The following ITGAV variants were observed in gnomAD, a reference collection of about 807,000 sequenced individuals.
ITGAV encodes integrin subunit alpha V.
Under a neutral mutation model 143.8 loss-of-function variants are expected in ITGAV, and 76 were observed. That is an observed-to-expected ratio of 0.53 (90% CI 0.44 to 0.64). ITGAV has a LOEUF of 0.64. Ranked by LOEUF, ITGAV falls within the 30% of genes least tolerant of loss-of-function variation. The pLI is 0.00. For missense variants in ITGAV, 1,193 were observed against 1,274.7 expected, an observed-to-expected ratio of 0.94 and a Z score of 0.98; for synonymous variants, 453 against 446.7, an observed-to-expected ratio of 1.01 and a Z score of -0.18.
At chr2:186,601,923 A>G (rs1686918395) in intron 1 of ITGAV, 98 bp from the exon 2 acceptor site, 6 of 1,242,330 alleles carry the variant, frequency 4.8e-6, no homozygotes, top group Admixed American at 2.5e-5. Flanking sequence ...AAAAATATTT[A>G]TAGATAATAT....
At chr2:186,591,129 A>G (rs1392515678) in intron 1 of ITGAV, among the ~76,000 whole-genome samples, 1 of 152,242 alleles carries the variant, frequency 6.6e-6, no homozygotes, top group Non-Finnish European at 1.5e-5. Flanking sequence ...GAGGTTGAAC[A>G]GATGAATTGA....
At position 186,641,416 on chromosome 2, in the gene ITGAV, C is replaced by T; in HGVS notation, c.987C>T (p.Leu329=). ...CAGATGTGTTTATTGGAGCACCTCT[C>T]TTCATGGATCGTGGCTCTGATGGCA... ...DYADVFIGAP[L]FMDRGSDGKL... is the part of the protein sequence containing the mutation. The change falls in exon 12 of 30, where the codon CTC becomes CTT. Residue 329 remains leucine (L), a synonymous_variant. Coordinates refer to ENST00000261023, the MANE Select transcript of ITGAV (RefSeq NM_002210.5). The T allele has an allele frequency of 6.2e-7, 1 of 1,614,172 alleles. No homozygotes were observed. The highest frequency in any genetic ancestry group is 2.2e-5 in the East Asian group (1 of 44,860).
intron 2 of ITGAV, 140 bp downstream of exon 2, chr2:186,602,291 A>G (rs1686932468): frequency 5.0e-6 from 3 of 594,302 alleles, no homozygotes; most frequent in Admixed American, 3.6e-5. Flanking sequence ...ATAAAGACAA[A>G]CGATTTATTA....
At chr2:186,600,265 T>C (rs570266391) in intron 1 of ITGAV, 2 of 1,410,422 alleles carry the variant, frequency 1.4e-6, no homozygotes, top group African/African-American at 2.9e-5. Flanking sequence ...CTGCCTCACA[T>C]ATTCCCTCCA....
intron 16 of ITGAV, 91 bp downstream of exon 16, chr2:186,654,799 ATTG>A (rs1688538920): frequency 1.0e-5 from 6 of 592,662 alleles, no homozygotes; most frequent in South Asian, 7.2e-5. Flanking sequence ...AGTTACTTGA[ATTG>A]TTATTATAAT....
chr2:186,600,911 A>G (rs907671241), intron 1 of ITGAV, among the ~76,000 whole-genome samples: 2 of 151,690 alleles, frequency 1.3e-5, no homozygotes, highest in African/African-American at 2.4e-5. Context: ...GTGAGCCAAG[A>G]TCATGCCATT....
intron 25 of ITGAV, among the ~76,000 whole-genome samples, chr2:186,669,354 T>C (rs914843589): frequency 1.3e-5 from 2 of 152,232 alleles, no homozygotes; most frequent in African/African-American, 4.8e-5. Context: ...TTACACAATA[T>C]GATCTAAGGA....
At chr2:186,669,122 C>T (rs1688992539) in intron 25 of ITGAV, among the ~76,000 whole-genome samples, 1 of 152,104 alleles carries the variant, frequency 6.6e-6, no homozygotes, top group African/African-American at 2.4e-5. Flanking sequence ...TCTAGTGAAC[C>T]ACATCTTCAT....
chr2:186,674,227 T>C (rs1689144686), intron 26 of ITGAV, among the ~76,000 whole-genome samples: 2 of 152,132 alleles, frequency 1.3e-5, no homozygotes, highest in Non-Finnish European at 2.9e-5. Flanking sequence ...TTTCCCACTT[T>C]GGTTTCCTAA....
chr2:186,633,896 C>T (rs543809680), intron 6 of ITGAV, among the ~76,000 whole-genome samples: 12 of 152,120 alleles, frequency 7.9e-5, no homozygotes, highest in African/African-American at 2.9e-4. Flanking sequence ...GGCATGGTGG[C>T]GTGGGCCTGT....
rs745813419 is a variant in ITGAV, at chr2:186,646,868, G to C, written c.1342G>C (p.Gly448Arg). ...AGGAGCCACAGATATAGACAAAAATGGATATCCAGGTGCTTTCTTATCAAC... is the reference window on the plus strand; with the variant it reads ...AGGAGCCACAGATATAGACAAAAATCGATATCCAGGTGCTTTCTTATCAAC... Reference protein sequence around the residue: ...MKGATDIDKNGYPDLIVGAFG... With the variant: ...MKGATDIDKNRYPDLIVGAFG... Residue 448 changes from glycine to arginine, a missense_variant, in exon 13 of 30, where the codon GGA becomes CGA. By Grantham distance (125) the Gly-to-Arg change is moderately radical (BLOSUM62 -2). Coordinates refer to ENST00000261023, the MANE Select transcript of ITGAV (RefSeq NM_002210.5). The C allele has an allele frequency of 2.5e-6, 4 of 1,580,570 alleles. No homozygotes were observed. The highest frequency in any genetic ancestry group is 8.6e-7 in the Non-Finnish European group (1 of 1,157,646).
rs530515054 is a variant in ITGAV, at chr2:186,652,750, T to A, written c.1505+661T>A. On this transcript the variant is annotated intron_variant, in intron 15 of 29. Coordinates refer to ENST00000261023, the MANE Select transcript of ITGAV (RefSeq NM_002210.5). ...CTGATTTAATATCTATGAACAGTTG[T>A]ATGAAAAAAATTATTTTGCTCTAAT... is the stretch of plus-strand genomic sequence containing the variant. Among the ~76,000 whole-genome samples the A allele has an allele frequency of 6.6e-5, 10 of 152,210 alleles. No homozygotes were observed. The South Asian group carries it at 2.1e-3, about 32-fold the overall frequency.
chr2:186,664,317 A>C (rs1294430711), intron 19 of ITGAV, among the ~76,000 whole-genome samples, 177 bp from the exon 20 acceptor site: 1 of 152,190 alleles, frequency 6.6e-6, no homozygotes, highest in Non-Finnish European at 1.5e-5. Context: ...GAAGCATTCG[A>C]TTTGCACCCA....
In ITGAV at chr2:186,677,175, A is replaced by T. The variant is rs767473721; in HGVS notation, c.3052-22A>T. 3.1e-6 allele frequency: 5 copies of T among 1,601,660 alleles called. No homozygotes were observed. The East Asian group carries it at 1.1e-4, about 36-fold the overall frequency. On this transcript the variant is annotated intron_variant, in intron 29 of 29. Coordinates refer to ENST00000261023, the MANE Select transcript of ITGAV (RefSeq NM_002210.5). Reference sequence around the variant, plus strand: ...ATTCTACACTGATGTGACAGTAATAATGGTTTTTCTTCAACTGACAGATGG... The same window carrying T: ...ATTCTACACTGATGTGACAGTAATATTGGTTTTTCTTCAACTGACAGATGG...
chr2:186,628,262 ACTTTG>A (rs1175523664), intron 4 of ITGAV, among the ~76,000 whole-genome samples: 3 of 151,804 alleles, frequency 2.0e-5, no homozygotes, highest in African/African-American at 7.3e-5. Context: ...CTTTTTAATA[ACTTTG>A]CTTGTCTTGT....
intron 28 of ITGAV, among the ~76,000 whole-genome samples, chr2:186,676,607 A>C (rs554286894): frequency 6.6e-6 from 1 of 152,316 alleles, no homozygotes; most frequent in East Asian, 1.9e-4. Context: ...AAATCATGTC[A>C]GATGCAATCA....
At chr2:186,657,490 G>A (rs1255964625) in intron 17 of ITGAV, among the ~76,000 whole-genome samples, 1 of 151,938 alleles carries the variant, frequency 6.6e-6, no homozygotes, top group East Asian at 1.9e-4. Context: ...ATAACTTATG[G>A]GTCAAAAACA....
In ITGAV at chr2:186,621,132, T is replaced by C. The variant is rs151273958; in HGVS notation, c.317-1207T>C. On this transcript the variant is annotated intron_variant, in intron 2 of 29. Coordinates refer to ENST00000261023, the MANE Select transcript of ITGAV (RefSeq NM_002210.5). ...AATTAGAGTAAATACAATAAAGTGT[T>C]AAAAGGGTAAGAAGGTACCATTGGT... is the stretch of plus-strand genomic sequence containing the variant. Among the ~76,000 whole-genome samples, 570 of 152,286 alleles carry C rather than the reference T, an allele frequency of 3.7e-3. 1 individual carries two copies. The highest frequency in any genetic ancestry group is 6.7e-3 in the Non-Finnish European group (454 of 68,016).
chr2:186,620,992 A>G (rs1048271529), intron 2 of ITGAV, among the ~76,000 whole-genome samples: 1 of 152,242 alleles, frequency 6.6e-6, no homozygotes, highest in African/African-American at 2.4e-5. Context: ...TCTTTAGGAT[A>G]GATACTAATG....
Sources: allele counts gnomAD v4.1 joint callset (sites outside exome capture counted in the v4.1 genomes callset), GRCh38; gene constraint gnomAD v4.1.1; transcripts MANE v1.5; gene names NCBI Gene and HGNC (gene_info 2026-07-23, HGNC 2026-07-21).